RGS7: variants seen among roughly 807,000 people sequenced by gnomAD.
RGS7 encodes regulator of G-protein signaling 7.
Under a neutral mutation model 81.1 loss-of-function variants are expected in RGS7, and 27 were observed. The ratio of observed to expected loss-of-function variants is 0.33; its 90% confidence interval spans 0.25 to 0.46. The LOEUF is 0.46. Among genes scored for constraint, RGS7 ranks in the 20% least tolerant of loss-of-function variants. The pLI is 1.00. For synonymous variants in RGS7, 208 were observed against 207.7 expected (o/e 1.00, Z -0.01); for missense variants, 396 against 607.4 (o/e 0.65, Z 3.66).
At chr1:241,070,541 C>T (rs1213273304) in intron 3 of RGS7, among the ~76,000 whole-genome samples, 9 of 152,174 alleles carry the variant, frequency 5.9e-5, no homozygotes, top group Non-Finnish European at 1.3e-4. Flanking sequence ...GGAAATGTTG[C>T]ATTCCACATG....
intron 2 of RGS7, among the ~76,000 whole-genome samples, chr1:241,306,943 C>A (rs1304260593): frequency 1.3e-5 from 2 of 152,196 alleles, no homozygotes; most frequent in Non-Finnish European, 2.9e-5. Context: ...ATCACACTAA[C>A]AACCAGGTAA....
intron 18 of RGS7, among the ~76,000 whole-genome samples, chr1:240,796,669 G>A (rs1011244184): frequency 6.6e-6 from 1 of 152,152 alleles, no homozygotes; most frequent in Non-Finnish European, 1.5e-5. Context: ...TTGGGTGACA[G>A]AGTGAAATTG....
intron 4 of RGS7, among the ~76,000 whole-genome samples, chr1:240,943,816 G>C (rs1315905197): frequency 1.3e-5 from 2 of 152,142 alleles, no homozygotes; most frequent in African/African-American, 2.4e-5. Flanking sequence ...AGACCTGCCT[G>C]CTTTAGAGGA....
At chr1:241,324,373 T>C (rs1315430954) in intron 2 of RGS7, among the ~76,000 whole-genome samples, 1 of 151,906 alleles carries the variant, frequency 6.6e-6, no homozygotes. Context: ...ACTTAAAACC[T>C]AGATTCTTTA....
At chr1:241,192,249 G>A (rs1162960204) in intron 2 of RGS7, among the ~76,000 whole-genome samples, 1 of 59,300 alleles carries the variant, frequency 1.7e-5, no homozygotes, top group Non-Finnish European at 3.4e-5. Context: ...TTTTCTGTCT[G>A]CACGTGTGTG....
At chr1:240,903,256 A>G (rs2148209097) in intron 6 of RGS7, among the ~76,000 whole-genome samples, 1 of 152,324 alleles carries the variant, frequency 6.6e-6, no homozygotes, top group Middle Eastern at 3.4e-3. Context: ...GATAACAGAA[A>G]TGTGGTATGT....
At chr1:241,075,320 A>C (rs1444240563) in intron 3 of RGS7, among the ~76,000 whole-genome samples, 2 of 152,216 alleles carry the variant, frequency 1.3e-5, no homozygotes, top group Non-Finnish European at 2.9e-5. Flanking sequence ...ACATAAGAAG[A>C]AATAGGTCGA....
At chr1:240,933,994 C>T (rs545905537) in intron 5 of RGS7, among the ~76,000 whole-genome samples, 3 of 152,026 alleles carry the variant, frequency 2.0e-5, no homozygotes, top group Non-Finnish European at 4.4e-5. Flanking sequence ...GATGGAGTCT[C>T]GCTCTGTCAC....
intron 9 of RGS7, among the ~76,000 whole-genome samples, chr1:240,851,149 G>T (rs946843247): frequency 6.6e-6 from 1 of 152,196 alleles, no homozygotes; most frequent in African/African-American, 2.4e-5. Context: ...GTCAGTGCCA[G>T]GCTTCAAAGC....
intron 2 of RGS7, among the ~76,000 whole-genome samples, chr1:241,261,293 A>G (rs1051362038): frequency 1.3e-5 from 2 of 152,066 alleles, no homozygotes; most frequent in African/African-American, 4.8e-5. Flanking sequence ...AAGTGCATGC[A>G]GCTGGGACTA....
intron 2 of RGS7, among the ~76,000 whole-genome samples, chr1:241,149,288 T>C (rs2068579664): frequency 2.0e-5 from 3 of 152,092 alleles, no homozygotes; most frequent in Admixed American, 2.0e-4. Flanking sequence ...TGCCCCAGTA[T>C]CCCGAATAGT....
intron 2 of RGS7, among the ~76,000 whole-genome samples, chr1:241,304,919 C>T (rs1408959150): frequency 6.6e-6 from 1 of 152,146 alleles, no homozygotes. Context: ...ATCACAATTA[C>T]TAATTGTAGT....
chr1:240,941,197 A>G (rs1677522500), intron 4 of RGS7, among the ~76,000 whole-genome samples: 1 of 152,214 alleles, frequency 6.6e-6, no homozygotes, highest in African/African-American at 2.4e-5. Flanking sequence ...CACACATTTC[A>G]TATGTCAAGG....
intron 2 of RGS7, among the ~76,000 whole-genome samples, chr1:241,223,087 T>C (rs1019561212): frequency 6.6e-6 from 1 of 152,152 alleles, no homozygotes; most frequent in Admixed American, 6.6e-5. Flanking sequence ...AAATAACATA[T>C]AGTTTCCCAA....
Position 241,257,356 on chromosome 1 carries a change from CCTA to C in RGS7, c.78+98340_78+98342del, listed in dbSNP as rs766225672. ...CATGATCTACTCACCACCTAAAGGC[CCTA>C]CTTCTTAATATTATCATATTGGGGA... On this transcript the variant is annotated intron_variant, in intron 2 of 18. Coordinates refer to ENST00000440928, the MANE Select transcript of RGS7 (RefSeq NM_001364886.1). Among the ~76,000 whole-genome samples, 25 of 152,120 alleles carry C rather than the reference CCTA, an allele frequency of 1.6e-4. No individual in the cohort carries two copies. The East Asian group carries it at 2.3e-3, about 14-fold the overall frequency.
chr1:240,904,060 C>T (rs1021641214), intron 6 of RGS7, among the ~76,000 whole-genome samples: 7 of 152,176 alleles, frequency 4.6e-5, no homozygotes, highest in African/African-American at 1.4e-4. Flanking sequence ...CTTTTAATTA[C>T]AACGGTGGCA....
intron 2 of RGS7, among the ~76,000 whole-genome samples, chr1:241,197,021 A>G (rs1486929211): frequency 6.6e-6 from 1 of 151,172 alleles, no homozygotes; most frequent in Non-Finnish European, 1.5e-5. Context: ...CAAATAAGGA[A>G]TATGCTGGGT....
chr1:240,895,616 C>T (rs1168915290), intron 6 of RGS7, among the ~76,000 whole-genome samples: 1 of 152,166 alleles, frequency 6.6e-6, no homozygotes, highest in Non-Finnish European at 1.5e-5. Flanking sequence ...AGGACATGAA[C>T]TCATCCTTTT....
chr1:240,874,843 C>T (rs1435679202), intron 6 of RGS7, among the ~76,000 whole-genome samples: 2 of 152,068 alleles, frequency 1.3e-5, no homozygotes, highest in Non-Finnish European at 2.9e-5. Context: ...GAGCTCGAGA[C>T]CAACCTGGCC....
Sources: allele counts gnomAD v4.1 joint callset (sites outside exome capture counted in the v4.1 genomes callset), GRCh38; gene constraint gnomAD v4.1.1; transcripts MANE v1.5; gene names NCBI Gene and HGNC (gene_info 2026-07-23, HGNC 2026-07-21).